Variants in SMYD3 observed in about 807,000 individuals in gnomAD.
The protein encoded by SMYD3 is SET and MYND domain containing 3.
In SMYD3, 36 loss-of-function variants were observed where a neutral mutation model predicts 57.7. That is an observed-to-expected ratio of 0.62 (90% CI 0.48 to 0.82). SMYD3 has a LOEUF of 0.82. Among genes scored for constraint, SMYD3 ranks in the 40% least tolerant of loss-of-function variants. The probability of loss-of-function intolerance (pLI) is 0.00; values close to 1 mark genes in which losing one functional copy is unlikely to be tolerated. For missense variants in SMYD3, 515 were observed against 538.8 expected (o/e 0.96, Z 0.44); for synonymous variants, 211 against 195.0 (o/e 1.08, Z -0.68).
intron 5 of SMYD3, among the ~76,000 whole-genome samples, chr1:245,942,071 A>G (rs2057265997): frequency 6.6e-6 from 1 of 152,184 alleles, no homozygotes; most frequent in Non-Finnish European, 1.5e-5. Flanking sequence ...CTATATCAAC[A>G]AGTCTGCAAA....
intron 5 of SMYD3, among the ~76,000 whole-genome samples, chr1:246,012,402 G>A (rs934972864): frequency 7.9e-5 from 12 of 152,160 alleles, no homozygotes; most frequent in African/African-American, 2.9e-4. Flanking sequence ...CCCAGCATTT[G>A]CCCCCTTCAT....
chr1:246,042,756 G>A (rs201464802), intron 5 of SMYD3, among the ~76,000 whole-genome samples: 1 of 68,276 alleles, frequency 1.5e-5, no homozygotes, highest in South Asian at 6.2e-4. Context: ...ACACTTCAAA[G>A]CCTTTCTGAA....
intron 5 of SMYD3, among the ~76,000 whole-genome samples, chr1:246,256,548 T>C (rs1346783542): frequency 1.4e-5 from 2 of 145,618 alleles, no homozygotes; most frequent in East Asian, 2.6e-4. Flanking sequence ...TCACTTCTAA[T>C]TGTGCTTATT....
intron 5 of SMYD3, among the ~76,000 whole-genome samples, chr1:246,137,688 A>T (rs543332186): frequency 1.3e-5 from 2 of 152,320 alleles, no homozygotes; most frequent in South Asian, 4.2e-4. Flanking sequence ...TTAGATCATG[A>T]TCGATTTTTC....
chr1:246,481,625 T>TATAC (rs1459254899), intron 1 of SMYD3, among the ~76,000 whole-genome samples: 2 of 90,442 alleles, frequency 2.2e-5, no homozygotes, highest in African/African-American at 1.1e-4. Flanking sequence ...CATATATACA[T>TATAC]ACATACATAC....
At chr1:245,903,523 G>A (rs549140767) in intron 8 of SMYD3, among the ~76,000 whole-genome samples, 10 of 152,152 alleles carry the variant, frequency 6.6e-5, no homozygotes, top group Non-Finnish European at 8.8e-5. Context: ...AGAACCAAAC[G>A]CCAGATGAGC....
intron 10 of SMYD3, among the ~76,000 whole-genome samples, chr1:245,767,614 G>C (rs1381263071): frequency 6.6e-6 from 1 of 152,192 alleles, no homozygotes; most frequent in Non-Finnish European, 1.5e-5. Flanking sequence ...CTGGGACAAG[G>C]GAAGGGATGG....
At chr1:245,979,187 A>G (rs1558553833) in intron 5 of SMYD3, among the ~76,000 whole-genome samples, 1 of 152,172 alleles carries the variant, frequency 6.6e-6, no homozygotes, top group Non-Finnish European at 1.5e-5. Flanking sequence ...AGTCAACTCA[A>G]ATGCCCAAGG....
At chr1:245,875,978 G>C (rs970638964) in intron 8 of SMYD3, among the ~76,000 whole-genome samples, 3 of 152,224 alleles carry the variant, frequency 2.0e-5, no homozygotes, top group African/African-American at 7.2e-5. Context: ...ATATGAGAAA[G>C]TCCCAGGTCT....
chr1:246,055,161 G>C (rs1377293145), intron 5 of SMYD3, among the ~76,000 whole-genome samples: 1 of 150,640 alleles, frequency 6.6e-6, no homozygotes, highest in East Asian at 1.9e-4. Context: ...GGGTGACAGA[G>C]CAAGACTCTG....
chr1:245,896,052 T>C (rs1033071359), intron 8 of SMYD3, among the ~76,000 whole-genome samples: 2 of 152,178 alleles, frequency 1.3e-5, no homozygotes, highest in Non-Finnish European at 2.9e-5. Flanking sequence ...ATTAAACTGT[T>C]TCCAGAATGG....
Position 246,195,503 on chromosome 1 carries a change from C to A in SMYD3, c.531+131698G>T, listed in dbSNP as rs1269017736. ...CATCATTCTGTCAGTTTCAGAGGTA[C>A]ATTCACATCCTATTCTCCAAAACCA... On this transcript the variant is annotated intron_variant, in intron 5 of 11. Transcript: ENST00000490107. Among the ~76,000 whole-genome samples, 3 of 152,260 alleles carry A rather than the reference C, an allele frequency of 2.0e-5. No individual in the cohort carries two copies. The East Asian group carries it at 5.8e-4, about 29-fold the overall frequency.
At position 245,770,869 on chromosome 1, in the gene SMYD3, C is replaced by A. The variant is rs2046304722; in HGVS notation, c.1077-6720G>T. Among the ~76,000 whole-genome samples, 4 of 152,138 alleles carry A rather than the reference C, an allele frequency of 2.6e-5. No homozygotes were observed. In the South Asian group the frequency reaches 8.3e-4, roughly 32 times the overall value. On this transcript the variant is annotated intron_variant, in intron 10 of 11. Coordinates refer to ENST00000490107, the MANE Select transcript of SMYD3 (RefSeq NM_001167740.2). The stretch of plus-strand genomic sequence containing the variant: ...TAAAATTAAGAACTTAACAGTCTAA[C>A]ATTAGATTAGTCAGAGCTGAGGAAA...
At chr1:246,170,047 G>A (rs1029404788) in intron 5 of SMYD3, among the ~76,000 whole-genome samples, 4 of 152,112 alleles carry the variant, frequency 2.6e-5, no homozygotes, top group South Asian at 2.1e-4. Flanking sequence ...AGTCTGCATC[G>A]TTCTTGGTTT....
chr1:245,778,944 G>C (rs1394774603), intron 10 of SMYD3, among the ~76,000 whole-genome samples: 2 of 152,258 alleles, frequency 1.3e-5, no homozygotes, highest in East Asian at 3.9e-4. Context: ...TCGATCACTT[G>C]AGGCCAGGAG....
chr1:245,811,352 T>A (rs2048459852), intron 10 of SMYD3, among the ~76,000 whole-genome samples: 1 of 152,248 alleles, frequency 6.6e-6, no homozygotes, highest in South Asian at 2.1e-4. Flanking sequence ...CAGATGTGTT[T>A]CCAGCCTACT....
intron 5 of SMYD3, among the ~76,000 whole-genome samples, chr1:245,956,706 G>C (rs936778129): frequency 2.0e-5 from 3 of 152,134 alleles, no homozygotes; most frequent in Non-Finnish European, 4.4e-5. Context: ...GTATGAGCCT[G>C]CTTCGGTACT....
chr1:246,002,828 C>T (rs542712170), intron 5 of SMYD3, among the ~76,000 whole-genome samples: 1 of 152,076 alleles, frequency 6.6e-6, no homozygotes, highest in East Asian at 1.9e-4. Flanking sequence ...TCGCTCACCG[C>T]AGCCTCGACC....
chr1:246,302,892 G>T (rs2064915091), intron 5 of SMYD3, among the ~76,000 whole-genome samples: 1 of 152,130 alleles, frequency 6.6e-6, no homozygotes, highest in Non-Finnish European at 1.5e-5. Flanking sequence ...TACTTAAATG[G>T]CCAAGAAAGT....
Sources: gnomAD v4.1 joint callset for allele counts (sites outside exome capture counted in the v4.1 genomes callset) on GRCh38, gnomAD v4.1.1 for gene constraint, MANE v1.5 for transcripts, NCBI Gene and HGNC (gene_info 2026-07-23, HGNC 2026-07-21) for gene names.